The following DCDC1 variants were observed in gnomAD, a reference collection of about 807,000 sequenced individuals.
The protein encoded by DCDC1 is doublecortin domain-containing protein 1.
In DCDC1, 200 loss-of-function variants were observed where a neutral mutation model predicts 178.3. The ratio of observed to expected loss-of-function variants is 1.12; its 90% CI spans 1.00 to 1.26. DCDC1 has a LOEUF of 1.26. Among genes scored for constraint, DCDC1 ranks in the 50% most tolerant of loss-of-function variants. The probability of loss-of-function intolerance (pLI) is 0.00; values close to 1 mark genes in which losing one functional copy is unlikely to be tolerated. For missense variants in DCDC1, 1,983 were observed against 1,749.2 expected, an observed-to-expected ratio of 1.13 and a Z score of -2.38; for synonymous variants, 690 against 604.8, an observed-to-expected ratio of 1.14 and a Z score of -2.07.
intron 23 of DCDC1, among the ~76,000 whole-genome samples, chr11:30,923,832 G>A (rs1408477117): frequency 6.6e-6 from 1 of 151,982 alleles, no homozygotes; most frequent in Non-Finnish European, 1.5e-5. Context: ...GCTCAGGGTA[G>A]TCTTGAACTC....
intron 9 of DCDC1, among the ~76,000 whole-genome samples, chr11:31,172,642 G>A (rs1204307902): frequency 6.6e-6 from 1 of 152,068 alleles, no homozygotes; most frequent in Non-Finnish European, 1.5e-5. Flanking sequence ...AGTGTTTTAT[G>A]TATTACATAC....
chr11:30,963,061 T>C (rs1207011713), intron 20 of DCDC1, among the ~76,000 whole-genome samples: 1 of 152,092 alleles, frequency 6.6e-6, no homozygotes, highest in Non-Finnish European at 1.5e-5. Flanking sequence ...GTATCTCAGA[T>C]ATTTGGTGGA....
intron 20 of DCDC1, among the ~76,000 whole-genome samples, chr11:31,023,362 G>A: frequency 6.6e-6 from 1 of 151,996 alleles, no homozygotes; most frequent in East Asian, 1.9e-4. Context: ...AACACAGTAG[G>A]ATATGAATGG....
Position 31,045,283 on chromosome 11 carries a change from A to T in DCDC1, c.2591+19186T>A, listed in dbSNP as rs1365041366. On this transcript the variant is annotated intron_variant, in intron 20 of 38. Transcript: ENST00000684477. ...TAGGAATTTAATTTTTACTCTTCCT[A>T]CTCAGAGAAATTTCTGCTTGTGCGA... is the stretch of plus-strand genomic sequence containing the variant. 2.0e-5 allele frequency among the ~76,000 whole-genome samples: 3 copies of T among 152,066 alleles called. No individual in the cohort carries two copies. In the East Asian group the frequency reaches 5.8e-4, roughly 29 times the overall value.
chr11:31,340,446 A>G (rs1416603231), intron 1 of DCDC1, among the ~76,000 whole-genome samples: 1 of 152,212 alleles, frequency 6.6e-6, no homozygotes, highest in Non-Finnish European at 1.5e-5. Context: ...GGGTACTGTA[A>G]TTGAGCACAA....
chr11:31,297,080 G>C (rs1947741492), intron 6 of DCDC1, among the ~76,000 whole-genome samples: 1 of 152,202 alleles, frequency 6.6e-6, no homozygotes, highest in Non-Finnish European at 1.5e-5. Context: ...AGGGCTGACA[G>C]CCAGGGTAAG....
chr11:31,031,462 G>A (rs949861138), intron 20 of DCDC1, among the ~76,000 whole-genome samples: 1 of 151,966 alleles, frequency 6.6e-6, no homozygotes, highest in Admixed American at 6.6e-5. Context: ...GAGATTTATT[G>A]TAATAACTTC....
intron 9 of DCDC1, among the ~76,000 whole-genome samples, chr11:31,214,125 T>A (rs1204707403): frequency 6.6e-6 from 1 of 150,554 alleles, no homozygotes; most frequent in Non-Finnish European, 1.5e-5. Flanking sequence ...AAGTTTTTTT[T>A]ATCAAAATAA....
intron 8 of DCDC1, among the ~76,000 whole-genome samples, chr11:31,246,575 C>T (rs752393127): frequency 4.6e-5 from 7 of 151,736 alleles, no homozygotes; most frequent in Non-Finnish European, 1.0e-4. Flanking sequence ...GGAAGTATGA[C>T]TGCAGGGAGT....
intron 3 of DCDC1, among the ~76,000 whole-genome samples, chr11:31,308,709 T>A (rs1948599093): frequency 6.6e-6 from 1 of 152,210 alleles, no homozygotes; most frequent in Non-Finnish European, 1.5e-5. Context: ...TTAATCTATA[T>A]AGACACCAAG....
rs762007144 is a variant in DCDC1, at chr11:31,290,636, T to C, written c.960+11A>G. 1.1e-5 allele frequency: 17 copies of C among 1,595,070 alleles called. No homozygotes were observed. Among genetic ancestry groups the C allele is most frequent in the African/African-American group, 1.4e-5 (1 of 73,566 alleles). ...ATTAAATTCATAGTTCAATATTTAA[T>C]TAAAAATTACCTTTTTCATTGTTTC... On this transcript the variant is annotated intron_variant, in intron 7 of 38. Coordinates refer to ENST00000684477, the MANE Select transcript of DCDC1 (RefSeq NM_001387274.1).
rs117739395 is a variant in DCDC1, at chr11:30,943,333, G to A, written c.2715+9112C>T. ...TTAACAATATAATATATTCTTCAAT[G>A]TTCTCTCCTGAGCCTTCCCACGTCT... On this transcript the variant is annotated intron_variant, in intron 21 of 38. Transcript: ENST00000684477. The A allele has an allele frequency of 2.0e-3, 334 of 169,500 alleles. 1 individual carries two copies. Among genetic ancestry groups the A allele is most frequent in the Non-Finnish European group, 3.1e-3 (248 of 78,848 alleles). 10.5% of individuals were successfully genotyped at this position (169,500 alleles called of 1,614,324 possible).
At chr11:30,977,110 T>C (rs955600199) in intron 20 of DCDC1, among the ~76,000 whole-genome samples, 1 of 152,112 alleles carries the variant, frequency 6.6e-6, no homozygotes, top group Non-Finnish European at 1.5e-5. Context: ...TTCTCACTCA[T>C]ATGTGAGAGC....
At chr11:31,192,929 A>AG (rs1970287592) in intron 9 of DCDC1, among the ~76,000 whole-genome samples, 1 of 152,122 alleles carries the variant, frequency 6.6e-6, no homozygotes, top group South Asian at 2.1e-4. Flanking sequence ...AGAACAAAAA[A>AG]GTAGAAGGAA....
At chr11:31,236,764 T>G (rs1976513922) in intron 9 of DCDC1, among the ~76,000 whole-genome samples, 1 of 152,036 alleles carries the variant, frequency 6.6e-6, no homozygotes, top group African/African-American at 2.4e-5. Context: ...ACTATTTTCA[T>G]GTTTTTAATA....
chr11:30,897,405 G>A (rs574873250), intron 34 of DCDC1, among the ~76,000 whole-genome samples: 5 of 151,988 alleles, frequency 3.3e-5, no homozygotes, highest in Admixed American at 2.6e-4. Context: ...TGGCTAACAC[G>A]GTGAAACCCC....
chr11:30,912,193 C>A (rs1393864866), intron 27 of DCDC1, among the ~76,000 whole-genome samples: 1 of 152,188 alleles, frequency 6.6e-6, no homozygotes, highest in Non-Finnish European at 1.5e-5. Flanking sequence ...AAGCTCTCAC[C>A]AGATGCACCC....
chr11:31,337,681 A>AATCG, intron 1 of DCDC1, among the ~76,000 whole-genome samples: 1 of 152,058 alleles, frequency 6.6e-6, no homozygotes, highest in Admixed American at 6.5e-5. Flanking sequence ...TCAATCAATC[A>AATCG]ATCAAACTAG....
chr11:31,123,853 GAA>G (rs1208199335), intron 11 of DCDC1, among the ~76,000 whole-genome samples: 4 of 151,926 alleles, frequency 2.6e-5, no homozygotes, highest in Admixed American at 2.6e-4. Context: ...CTAAAATAAG[GAA>G]AGTCCTGGGA....
Sources: allele counts gnomAD v4.1 joint callset (sites outside exome capture counted in the v4.1 genomes callset), GRCh38; gene constraint gnomAD v4.1.1; transcripts MANE v1.5; gene names NCBI Gene and HGNC (gene_info 2026-07-23, HGNC 2026-07-21).